PCDH7: variants seen among roughly 807,000 people sequenced by gnomAD.
PCDH7 encodes protocadherin-7.
Under a neutral mutation model 58.9 loss-of-function variants are expected in PCDH7, and 17 were observed. That is an observed-to-expected ratio of 0.29 (90% CI 0.20 to 0.43). PCDH7 has a LOEUF of 0.43. PCDH7 is among the 20% of genes least tolerant of loss of function. The pLI, the probability that PCDH7 is intolerant of heterozygous loss-of-function variation, is 1.00. For missense variants in PCDH7, 1,274 were observed against 1,441.0 expected (o/e 0.88, Z 1.88); for synonymous variants, 664 against 616.4 (o/e 1.08, Z -1.14).
chr4:30,847,499 T>C (rs1732140839), intron 1 of PCDH7, among the ~76,000 whole-genome samples: 2 of 152,152 alleles, frequency 1.3e-5, no homozygotes, highest in Non-Finnish European at 2.9e-5. Flanking sequence ...TGCCAAAATG[T>C]TTGTTTGCCT....
Position 31,097,620 on chromosome 4 carries a change from ATATATATATATATAT to A in PCDH7, c.*8-44852_*8-44838del, listed in dbSNP as rs1250874116. On this transcript the variant is annotated intron_variant, in intron 3 of 3. Transcript: ENST00000509759. The stretch of plus-strand genomic sequence containing the variant: ...TATATATATATATATATATATATAT[ATATATATATATATAT>A]ATAAATCTTTTTTCTGTAATTTCTG... 3.2e-3 allele frequency among the ~76,000 whole-genome samples: 121 copies of A among 38,368 alleles called. 4 individuals carry two copies. The highest frequency in any genetic ancestry group is 0.017 in the African/African-American group (75 of 4,440). 25.2% of individuals were successfully genotyped at this position (38,368 alleles called of 152,430 possible). A position where few individuals can be genotyped will look rare whatever the true frequency, so the allele number is the denominator to read the frequency against.
chr4:30,770,338 T>G (rs1478238402), intron 1 of PCDH7, among the ~76,000 whole-genome samples: 2 of 152,378 alleles, frequency 1.3e-5, no homozygotes, highest in East Asian at 1.9e-4. Flanking sequence ...ATTGCTTTCA[T>G]GTATTTTGGC....
rs868729551 is a variant in PCDH7, at chr4:30,823,766, G to A, written c.71-96387G>A. On this transcript the variant is annotated intron_variant, in intron 1 of 3. Transcript: ENST00000509759. ...AGGCTAATGCTCTTAAATTATCCTA[G>A]AATAGGATAGGGCTAACTCAGCATA... Among the ~76,000 whole-genome samples, 4 of 152,062 alleles carry A rather than the reference G, an allele frequency of 2.6e-5. No individual in the cohort carries two copies. In the South Asian group the frequency reaches 8.3e-4, roughly 31 times the overall value.
chr4:31,131,194 G>A (rs753874085), intron 3 of PCDH7, among the ~76,000 whole-genome samples: 8 of 152,132 alleles, frequency 5.3e-5, no homozygotes, highest in Non-Finnish European at 1.2e-4. Context: ...GTGCATCACA[G>A]GCTCCCCGGG....
chr4:30,850,645 A>G (rs1732612952), intron 1 of PCDH7, among the ~76,000 whole-genome samples: 1 of 152,084 alleles, frequency 6.6e-6, no homozygotes, highest in Non-Finnish European at 1.5e-5. Context: ...AAGTTGATAC[A>G]TTTGGTGTCC....
chr4:31,133,696 G>C (rs1296274242), intron 3 of PCDH7, among the ~76,000 whole-genome samples: 1 of 152,146 alleles, frequency 6.6e-6, no homozygotes, highest in African/African-American at 2.4e-5. Flanking sequence ...CTCCTAAGCA[G>C]TCCTCGCACA....
At chr4:30,842,508 A>G (rs139479296) in intron 1 of PCDH7, among the ~76,000 whole-genome samples, 43 of 152,308 alleles carry the variant, frequency 2.8e-4, no homozygotes, top group African/African-American at 9.6e-4. Context: ...AAAAATATTT[A>G]TATGCATTAT....
intron 3 of PCDH7, among the ~76,000 whole-genome samples, chr4:31,103,331 T>C (rs1185112523): frequency 6.6e-6 from 1 of 152,094 alleles, no homozygotes; most frequent in Non-Finnish European, 1.5e-5. Flanking sequence ...CCAATTTCTT[T>C]TCTTTTCTTT....
At chr4:30,984,406 T>A (rs1035716314) in intron 3 of PCDH7, among the ~76,000 whole-genome samples, 1 of 152,244 alleles carries the variant, frequency 6.6e-6, no homozygotes, top group African/African-American at 2.4e-5. Context: ...AACCTATATT[T>A]GGTCTTGAAT....
intron 1 of PCDH7, among the ~76,000 whole-genome samples, chr4:30,788,846 T>C (rs748763225): frequency 1.8e-4 from 27 of 152,136 alleles, no homozygotes; most frequent in Non-Finnish European, 3.5e-4. Context: ...ATTCAGACTT[T>C]TCAACTGGGT....
At chr4:30,733,184 A>G (rs1715761363), downstream of PCDH7, among the ~76,000 whole-genome samples, 1 of 152,240 alleles carries the variant, frequency 6.6e-6, no homozygotes, top group South Asian at 2.1e-4. Context: ...AGCAAACCAC[A>G]TATTACCCTG....
intron 1 of PCDH7, among the ~76,000 whole-genome samples, chr4:30,824,726 G>A (rs1487026246): frequency 6.6e-6 from 1 of 152,162 alleles, no homozygotes; most frequent in Non-Finnish European, 1.5e-5. Context: ...GGTTGAGGAA[G>A]CAGAGCACAT....
At chr4:31,131,149 G>A (rs1057419579) in intron 3 of PCDH7, among the ~76,000 whole-genome samples, 7 of 152,140 alleles carry the variant, frequency 4.6e-5, no homozygotes, top group Non-Finnish European at 1.0e-4. Context: ...AAGGCATAAT[G>A]TTGGCATGAG....
intron 1 of PCDH7, among the ~76,000 whole-genome samples, chr4:30,728,572 T>C (rs1302137914): frequency 1.3e-5 from 2 of 151,794 alleles, no homozygotes; most frequent in African/African-American, 4.8e-5. Flanking sequence ...CAACACTATC[T>C]GGATCTCTGG....
chr4:31,030,012 T>A (rs1362792482), intron 3 of PCDH7, among the ~76,000 whole-genome samples: 1 of 152,118 alleles, frequency 6.6e-6, no homozygotes. Context: ...TAGTCATGAA[T>A]GAATTAGCTA....
At chr4:30,737,688 C>G (rs1295547977), downstream of PCDH7, among the ~76,000 whole-genome samples, 3 of 152,130 alleles carry the variant, frequency 2.0e-5, no homozygotes, top group African/African-American at 7.2e-5. Context: ...CCAGTAGGCA[C>G]TGGGTATTGT....
At chr4:30,780,782 A>C (rs2109288418) in intron 1 of PCDH7, among the ~76,000 whole-genome samples, 1 of 152,206 alleles carries the variant, frequency 6.6e-6, no homozygotes. Context: ...GTTTTTTCTT[A>C]GTATACTCGA....
intron 3 of PCDH7, among the ~76,000 whole-genome samples, chr4:31,096,394 G>A (rs1172239162): frequency 6.6e-6 from 1 of 152,070 alleles, no homozygotes; most frequent in Non-Finnish European, 1.5e-5. Context: ...AAATTAGGAA[G>A]CAATTGAGGG....
intron 3 of PCDH7, among the ~76,000 whole-genome samples, chr4:30,969,057 A>G (rs1208230500): frequency 6.6e-6 from 1 of 152,150 alleles, no homozygotes; most frequent in Non-Finnish European, 1.5e-5. Flanking sequence ...ATTTACTGAG[A>G]GCCTGTTTTG....
Sources: gnomAD v4.1 joint callset for allele counts (sites outside exome capture counted in the v4.1 genomes callset) on GRCh38, gnomAD v4.1.1 for gene constraint, MANE v1.5 for transcripts, NCBI Gene and HGNC (gene_info 2026-07-23, HGNC 2026-07-21) for gene names.